CCDC149: variants seen among roughly 807,000 people sequenced by gnomAD.
CCDC149 encodes coiled-coil domain containing 149, also known as coiled-coil domain-containing protein 149.
Under a neutral mutation model 59.9 loss-of-function variants are expected in CCDC149, and 45 were observed. That is an observed-to-expected ratio of 0.75 (90% CI 0.59 to 0.96). The LOEUF (loss-of-function observed/expected upper bound fraction) is 0.96, where lower values mean the gene tolerates loss of function less well. CCDC149 is among the 40% of genes least tolerant of loss of function. The pLI, the probability that CCDC149 is intolerant of heterozygous loss-of-function variation, is 0.00. For synonymous variants in CCDC149, 245 were observed against 260.6 expected, an observed-to-expected ratio of 0.94 and a Z score of 0.58; for missense variants, 584 against 664.7, an observed-to-expected ratio of 0.88 and a Z score of 1.33.
downstream of CCDC149, among the ~76,000 whole-genome samples, chr4:24,805,107 AC>A (rs1714085897): frequency 1.3e-5 from 2 of 152,334 alleles, no homozygotes; most frequent in South Asian, 4.1e-4. Flanking sequence ...CAAAAGAAAG[AC>A]AAACGCTCAT....
rs1392533489 is a variant in CCDC149, at chr4:24,862,615, A to G, written c.265-9436T>C. Reference sequence around the variant, plus strand: ...AAAACATTTAATTGGTCACTGATTCATTGTGAAACCTCTTGGGCCCTGTTG... The same window carrying G: ...AAAACATTTAATTGGTCACTGATTCGTTGTGAAACCTCTTGGGCCCTGTTG... On this transcript the variant is annotated intron_variant, in intron 3 of 12. Transcript: ENST00000635206. 3.3e-5 allele frequency among the ~76,000 whole-genome samples: 5 copies of G among 152,354 alleles called. No individual in the cohort carries two copies. The East Asian group carries it at 9.7e-4, about 29-fold the overall frequency.
rs749267249 is a variant in CCDC149, at chr4:24,834,973, C to A, written c.795G>T (p.Leu265=). ...CTTGCTTTGCAGACAGGACTCCTGT[C>A]AGAGCACTGCTGCTGGATTTACCCT... The change falls in exon 8 of 13, where the codon CTG becomes CTT. Residue 265 remains leucine, a synonymous_variant. Transcript: ENST00000635206. 6.2e-6 allele frequency: 10 copies of A among 1,613,978 alleles called. No individual in the cohort carries two copies. In the East Asian group the frequency reaches 2.0e-4, roughly 32 times the overall value.
chr4:24,941,451 T>C (rs1159397962), intron 1 of CCDC149, among the ~76,000 whole-genome samples: 1 of 151,952 alleles, frequency 6.6e-6, no homozygotes, highest in African/African-American at 2.4e-5. Context: ...GCAGGAAAGA[T>C]CTAAAATTGA....
chr4:24,833,426 T>A (rs1211291818), intron 8 of CCDC149, among the ~76,000 whole-genome samples: 1 of 152,038 alleles, frequency 6.6e-6, no homozygotes, highest in African/African-American at 2.4e-5. Context: ...GAGTTTGAGC[T>A]CAGCCTGGCC....
At chr4:24,918,049 A>G (rs1307078964) in intron 1 of CCDC149, among the ~76,000 whole-genome samples, 1 of 150,344 alleles carries the variant, frequency 6.7e-6, no homozygotes, top group East Asian at 2.0e-4. Context: ...AAGCCTTATG[A>G]AAAAAAAAAT....
intron 12 of CCDC149, among the ~76,000 whole-genome samples, chr4:24,809,328 A>C (rs1263310434): frequency 6.6e-6 from 1 of 152,226 alleles, no homozygotes; most frequent in Non-Finnish European, 1.5e-5. Context: ...AGTGTTCCTC[A>C]ATATCAAATA....
In CCDC149 at chr4:24,967,526, A is replaced by T. The variant is rs536686243; in HGVS notation, c.-65+12543T>A. ...GTACCACTATGTAGTGGACTTGGCC[A>T]ACGCATTTTTCTCCACAGACATCAG... On this transcript the variant is annotated intron_variant, in intron 1 of 12. Transcript: ENST00000389609. 8.0e-4 allele frequency among the ~76,000 whole-genome samples: 122 copies of T among 152,140 alleles called. 1 individual carries two copies. The highest frequency in any genetic ancestry group is 6.8e-3 in the Middle Eastern group (2 of 294).
At chr4:24,892,005 G>C (rs1286135719) in intron 1 of CCDC149, among the ~76,000 whole-genome samples, 1 of 151,590 alleles carries the variant, frequency 6.6e-6, no homozygotes, top group Non-Finnish European at 1.5e-5. Flanking sequence ...TCTCAAAAAA[G>C]AAAAAAAGGT....
chr4:24,828,899 T>C (rs1715940163), intron 9 of CCDC149: 1 of 152,312 alleles, frequency 6.6e-6, no homozygotes, highest in South Asian at 2.1e-4. Context: ...TCTTTCACAA[T>C]GGAGGGAGGG....
intron 10 of CCDC149, among the ~76,000 whole-genome samples, chr4:24,821,288 C>G (rs924547384): frequency 6.6e-6 from 1 of 152,042 alleles, no homozygotes; most frequent in South Asian, 2.1e-4. Context: ...TAAAAACCCC[C>G]GTTCATGCAT....
At chr4:24,914,667 A>T (rs1013106760), upstream of CCDC149, among the ~76,000 whole-genome samples, 35 of 146,556 alleles carry the variant, frequency 2.4e-4, no homozygotes, top group African/African-American at 8.6e-4. Context: ...AGCCTTGCTC[A>T]ACTAGCTGAC....
intron 4 of CCDC149, among the ~76,000 whole-genome samples, chr4:24,847,634 T>C (rs905525321): frequency 3.3e-5 from 5 of 152,182 alleles, no homozygotes; most frequent in Admixed American, 2.0e-4. Flanking sequence ...AACAATTCGA[T>C]GAGAGGCATT....
intron 1 of CCDC149, among the ~76,000 whole-genome samples, chr4:24,933,600 G>T (rs1722656295): frequency 6.6e-6 from 1 of 152,184 alleles, no homozygotes; most frequent in Non-Finnish European, 1.5e-5. Context: ...CAAGCACTGG[G>T]AATACTGTGG....
At chr4:24,862,616 T>C (rs1166100125) in intron 3 of CCDC149, among the ~76,000 whole-genome samples, 1 of 152,242 alleles carries the variant, frequency 6.6e-6, no homozygotes, top group Non-Finnish European at 1.5e-5. Flanking sequence ...CACTGATTCA[T>C]TGTGAAACCT....
intron 1 of CCDC149, among the ~76,000 whole-genome samples, chr4:24,884,720 T>G (rs559229882): frequency 6.6e-6 from 1 of 152,358 alleles, no homozygotes; most frequent in South Asian, 2.1e-4. Context: ...TTTCTCCATT[T>G]TTAAATGAAG....
intron 1 of CCDC149, among the ~76,000 whole-genome samples, chr4:24,922,039 C>T (rs1200949568): frequency 6.6e-6 from 1 of 152,172 alleles, no homozygotes; most frequent in Non-Finnish European, 1.5e-5. Context: ...CAGATGCTTT[C>T]GGTCTGTGTC....
At chr4:24,972,096 C>T (rs762431146) in intron 1 of CCDC149, among the ~76,000 whole-genome samples, 1 of 152,176 alleles carries the variant, frequency 6.6e-6, no homozygotes, top group Non-Finnish European at 1.5e-5. Context: ...GGCCCAACCA[C>T]CTTGGGCACA....
chr4:24,856,160 CT>C (rs1717991732), intron 3 of CCDC149, among the ~76,000 whole-genome samples: 1 of 7,120 alleles, frequency 1.4e-4, no homozygotes, highest in Non-Finnish European at 3.1e-4. Context: ...CAGCGAAGGC[CT>C]CTCCTTGGAC....
At chr4:24,965,746 A>T (rs778798777) in intron 1 of CCDC149, among the ~76,000 whole-genome samples, 1 of 152,242 alleles carries the variant, frequency 6.6e-6, no homozygotes, top group East Asian at 1.9e-4. Context: ...ACAAGGGCCA[A>T]TTAACTGAAA....
Sources: gnomAD v4.1 joint callset for allele counts (sites outside exome capture counted in the v4.1 genomes callset) on GRCh38, gnomAD v4.1.1 for gene constraint, MANE v1.5 for transcripts, NCBI Gene and HGNC (gene_info 2026-07-23, HGNC 2026-07-21) for gene names.